The following CFB variants were observed in gnomAD, a reference collection of about 807,000 sequenced individuals.
CFB encodes complement factor B.
A neutral mutation model predicts 97.2 loss-of-function variants in CFB; 59 were observed. The ratio of observed to expected loss-of-function variants is 0.61; its 90% CI spans 0.49 to 0.75. The LOEUF (loss-of-function observed/expected upper bound fraction) is 0.75. Ranked by LOEUF, CFB falls within the 30% of genes least tolerant of loss-of-function variation. The probability of loss-of-function intolerance (pLI) is 0.00; values close to 1 mark genes in which losing one functional copy is unlikely to be tolerated. For missense variants in CFB, 771 were observed against 959.8 expected, an observed-to-expected ratio of 0.80 and a Z score of 2.60; for synonymous variants, 316 against 351.7, an observed-to-expected ratio of 0.90 and a Z score of 1.14.
At chr6:31,949,591 C>T in intron 10 of CFB, 34 bp downstream of exon 10, 1 of 1,611,520 alleles carries the variant, frequency 6.2e-7, no homozygotes, top group Non-Finnish European at 8.5e-7. Flanking sequence ...GAACACAACT[C>T]TCCTCAGGTT....
Position 31,951,625 on chromosome 6 carries a change from C to A in CFB, c.2139+21C>A. On this transcript the variant is annotated intron_variant, in intron 17 of 17. Coordinates refer to ENST00000425368, the MANE Select transcript of CFB (RefSeq NM_001710.6). The surrounding 1 kb of genome is among the most constrained non-coding windows in gnomAD (Gnocchi z 4.3). The stretch of plus-strand genomic sequence containing the variant: ...TTCAAGTGAGTCCTCCCTTTCCTAT[C>A]TGGGGAGATGCCAAGTGGTCAGCAT... The A allele has an allele frequency of 2.5e-6, 4 of 1,614,138 alleles. No homozygotes were observed. Among genetic ancestry groups the A allele is most frequent in the Non-Finnish European group, 3.4e-6 (4 of 1,179,978 alleles).
chr6:31,949,067 T>C, intron 8 of CFB, 106 bp downstream of exon 8: 1 of 1,542,832 alleles, frequency 6.5e-7, no homozygotes, highest in Non-Finnish European at 8.9e-7. Context: ...GCCCTGAATG[T>C]GACTCATAGC....
rs747687430 is a variant in CFB, at chr6:31,951,283, A to C, written c.1956+39A>C. Reference sequence around the variant, plus strand: ...ATCCTAAGGAGGCACTCTAGGCCCCAATCCTTCCTAAGCCACTTCTGTTCA... The same window carrying C: ...ATCCTAAGGAGGCACTCTAGGCCCCCATCCTTCCTAAGCCACTTCTGTTCA... On this transcript the variant is annotated intron_variant, in intron 15 of 17. Coordinates refer to ENST00000425368, the MANE Select transcript of CFB (RefSeq NM_001710.6). The surrounding 1 kb of genome is among the most constrained non-coding windows in gnomAD (Gnocchi z 4.3). The C allele has an allele frequency of 6.2e-7, 1 of 1,613,626 alleles. No homozygotes were observed. The highest frequency in any genetic ancestry group is 2.2e-5 in the East Asian group (1 of 44,884).
At position 31,951,381 on chromosome 6, in the gene CFB, A is replaced by G. The variant is rs1203301578; in HGVS notation, c.1997A>G (p.Tyr666Cys). The stretch of plus-strand genomic sequence containing the variant: ...AGAGATGCTCAATATGCCCCAGGCT[A>G]TGACAAAGTCAAGGACATCTCAGAG... ...CERDAQYAPG[Y>C]DKVKDISEVV... Residue 666 changes from tyrosine (Y) to cysteine (C), a missense_variant, in exon 16 of 18, where the codon TAT (tyrosine) becomes TGT (cysteine). Coordinates refer to ENST00000425368, the MANE Select transcript of CFB (RefSeq NM_001710.6). The surrounding 1 kb of genome is among the most constrained non-coding windows in gnomAD (Gnocchi z 4.3). 6.2e-7 allele frequency: 1 copy of G among 1,614,184 alleles called. No homozygotes were observed. Among genetic ancestry groups the G allele is most frequent in the Non-Finnish European group, 8.5e-7 (1 of 1,180,034 alleles).
Position 31,947,355 on chromosome 6 carries a change from C to G in CFB, c.492C>G (p.Tyr164Ter). Residue 164 changes from tyrosine (Y) to a stop codon, truncating the protein, a stop_gained, in exon 4 of 18, where the codon TAC (tyrosine) becomes TAG (stop). Coordinates refer to ENST00000425368, the MANE Select transcript of CFB (RefSeq NM_001710.6). LOFTEE classifies it high-confidence loss of function. The surrounding 1 kb of genome is among the most constrained non-coding windows in gnomAD (Gnocchi z 5.3). ...QTAICDNGAG[Y>*]CSNPGIPIGT... ...TGTCTCATACCTCTGCAGCGGGGTA[C>G]TGCTCCAACCCGGGCATCCCCATTG... 6.2e-7 allele frequency: 1 copy of G among 1,613,032 alleles called. No homozygotes were observed. Among genetic ancestry groups the G allele is most frequent in the Non-Finnish European group, 8.5e-7 (1 of 1,180,026 alleles).
chr6:31,948,149 A>G, intron 6 of CFB, 68 bp downstream of exon 6: 1 of 1,591,648 alleles, frequency 6.3e-7, no homozygotes, highest in Non-Finnish European at 8.6e-7. Flanking sequence ...TAGCTCCCTG[A>G]TCATTCCAGC....
chr6:31,948,828 A>G lies in CFB; in HGVS notation c.1037-2A>G. On this transcript the variant is annotated splice_acceptor_variant, in intron 7 of 17. Coordinates refer to ENST00000425368, the MANE Select transcript of CFB (RefSeq NM_001710.6). LOFTEE classifies it high-confidence loss of function. ...AGGTGATGGTCTCTTCCCTCTCCAC[A>G]GACCACAAGTTGAAGTCAGGGACTA... The G allele has an allele frequency of 6.2e-7, 1 of 1,613,096 alleles. No individual in the cohort carries two copies. The highest frequency in any genetic ancestry group is 8.5e-7 in the Non-Finnish European group (1 of 1,180,032).
intron 8 of CFB, 35 bp downstream of exon 8, chr6:31,948,996 C>T (rs1192424674): frequency 1.9e-6 from 3 of 1,612,564 alleles, no homozygotes; most frequent in Non-Finnish European, 2.5e-6. Flanking sequence ...CCAGCCTCCC[C>T]ACCTTCTCAG....
chr6:31,946,396 T>C lies in CFB; in HGVS notation c.88T>C (p.Leu30=). The change falls in exon 2 of 18, where the codon TTG becomes CTG. Residue 30 remains leucine (L), a synonymous_variant. Transcript: ENST00000425368. This position sits in a 1 kb window ranked among gnomAD's most constrained non-coding sequence, Gnocchi z 6.4. ...SGGVTTTPWS[L]ARPQGSCSLE... ...AGGTGTGACCACCACTCCATGGTCT[T>C]TGGCCCGGCCCCAGGGATCCTGCTC... 2 of 1,613,036 alleles carry C rather than the reference T, an allele frequency of 1.2e-6. No homozygotes were observed. The highest frequency in any genetic ancestry group is 1.7e-6 in the Non-Finnish European group (2 of 1,180,014).
rs1562623699 is a variant in CFB, at chr6:31,946,407, C to T, written c.99C>T (p.Pro33=). ...CCACTCCATGGTCTTTGGCCCGGCC[C>T]CAGGGATCCTGCTCTCTGGAGGGGG... The part of the protein sequence containing the change: ...VTTTPWSLAR[P]QGSCSLEGVE... Residue 33 remains proline, a synonymous_variant, in exon 2 of 18, where the codon CCC becomes CCT. Transcript: ENST00000425368. The surrounding 1 kb of genome is among the most constrained non-coding windows in gnomAD (Gnocchi z 6.4). 2 of 1,612,954 alleles carry T rather than the reference C, an allele frequency of 1.2e-6. No individual in the cohort carries two copies. Among genetic ancestry groups the T allele is most frequent in the South Asian group, 1.1e-5 (1 of 91,088 alleles).
chr6:31,949,268 A>G lies in CFB; in HGVS notation c.1194A>G (p.Pro398=). 1 of 1,614,064 alleles carries G rather than the reference A, an allele frequency of 6.2e-7. No homozygotes were observed. The highest frequency in any genetic ancestry group is 1.1e-5 in the South Asian group (1 of 91,074). ...GATTGCACAACATGGGCGGGGACCC[A>G]ATTACTGTCATTGATGAGATCCGGG... ...TDGLHNMGGD[P]ITVIDEIRDL... The change falls in exon 9 of 18, where the codon CCA becomes CCG. Residue 398 remains proline, a synonymous_variant. Coordinates refer to ENST00000425368, the MANE Select transcript of CFB (RefSeq NM_001710.6).
rs1266806873 is a variant in CFB, at chr6:31,951,201, A to G, written c.1913A>G (p.Lys638Arg). The change falls in exon 15 of 18, where the codon AAA (lysine) becomes AGA (arginine). Residue 638 changes from lysine to arginine, a missense_variant. Transcript: ENST00000425368. The surrounding 1 kb of genome is among the most constrained non-coding windows in gnomAD (Gnocchi z 4.3). ...GCTCTGTTTGTGTCTGAGGAGGAGAAAAAGCTGACTCGGAAGGAGGTCTAC... is the reference window on the plus strand; with the variant it reads ...GCTCTGTTTGTGTCTGAGGAGGAGAGAAAGCTGACTCGGAAGGAGGTCTAC... ...IKALFVSEEE[K>R]KLTRKEVYIK... is the part of the protein sequence containing the mutation. 21 of 1,613,072 alleles carry G rather than the reference A, an allele frequency of 1.3e-5. No homozygotes were observed. Among genetic ancestry groups the G allele is most frequent in the Non-Finnish European group, 1.8e-5 (21 of 1,180,008 alleles).
chr6:31,948,520 G>C lies in CFB; in HGVS notation c.1036+8G>C, dbSNP rs767304522. The C allele has an allele frequency of 1.9e-6, 3 of 1,614,102 alleles. No individual in the cohort carries two copies. The highest frequency in any genetic ancestry group is 2.5e-6 in the Non-Finnish European group (3 of 1,180,026). The stretch of plus-strand genomic sequence containing the variant: ...ATGAAATCAATTATGAAGGTCAGAG[G>C]TTAGGGAATGGTGGGAGGTTCACTT... On this transcript the variant is annotated splice_region_variant and intron_variant, in intron 7 of 17. Transcript: ENST00000425368.
At chr6:31,948,720 G>A in intron 7 of CFB, 110 bp from the exon 8 acceptor site, 1 of 1,575,726 alleles carries the variant, frequency 6.3e-7, no homozygotes, top group Non-Finnish European at 8.7e-7. Flanking sequence ...GTGTAATGAT[G>A]ATTAACTTAA....
chr6:31,948,494 A>T lies in CFB; in HGVS notation c.1018A>T (p.Asn340Tyr). Residue 340 changes from asparagine (N) to tyrosine (Y), a missense_variant, in exon 7 of 18, where the codon AAT (asparagine) becomes TAT (tyrosine). Asn to Tyr is a moderately radical substitution (Grantham distance 143). Transcript: ENST00000425368. ...SNADWVTKQL[N>Y]EINYEDHKLK... ...TGCAGACTGGGTCACGAAGCAGCTC[A>T]ATGAAATCAATTATGAAGGTCAGAG... is the stretch of plus-strand genomic sequence containing the variant. The T allele has an allele frequency of 6.2e-7, 1 of 1,614,128 alleles. No homozygotes were observed. The highest frequency in any genetic ancestry group is 8.5e-7 in the Non-Finnish European group (1 of 1,179,978).
rs1470551102 is a variant in CFB at position 31,951,897 on chromosome 6, T to C, written c.2162T>C (p.Val721Ala). 6.2e-7 allele frequency: 1 copy of C among 1,612,486 alleles called. No homozygotes were observed. Among genetic ancestry groups the C allele is most frequent in the Non-Finnish European group, 8.5e-7 (1 of 1,179,926 alleles). ...FIQVGVISWG[V>A]VDVCKNQKRQ... Reference sequence around the variant, plus strand: ...CAGGTTGGTGTAATCAGCTGGGGAGTAGTGGATGTCTGCAAAAACCAGAAG... The same window carrying C: ...CAGGTTGGTGTAATCAGCTGGGGAGCAGTGGATGTCTGCAAAAACCAGAAG... Residue 721 changes from valine (V) to alanine (A), a missense_variant, in exon 18 of 18, where the codon GTA (valine) becomes GCA (alanine). Val to Ala is a moderately conservative substitution (Grantham distance 64). Coordinates refer to ENST00000425368, the MANE Select transcript of CFB (RefSeq NM_001710.6). The surrounding 1 kb of genome is among the most constrained non-coding windows in gnomAD (Gnocchi z 4.3).
chr6:31,951,265 G>A lies in CFB; in HGVS notation c.1956+21G>A. ...ATAAGGTGAGAAACGGGCATCCTAA[G>A]GAGGCACTCTAGGCCCCAATCCTTC... On this transcript the variant is annotated intron_variant, in intron 15 of 17. Transcript: ENST00000425368. This position sits in a 1 kb window ranked among gnomAD's most constrained non-coding sequence, Gnocchi z 4.3. 2 of 1,613,284 alleles carry A rather than the reference G, an allele frequency of 1.2e-6. No individual in the cohort carries two copies.
rs1166047043 is a variant in CFB at position 31,946,960 on chromosome 6, G to T, written c.299-47G>T. ...CGAGACCAGGAGGGATACACCTAAG[G>T]CAGCCTTTCCCTCTTGATGACTTCT... is the stretch of plus-strand genomic sequence containing the variant. On this transcript the variant is annotated intron_variant, in intron 2 of 17. Transcript: ENST00000425368. This position sits in a 1 kb window ranked among gnomAD's most constrained non-coding sequence, Gnocchi z 6.4. The T allele has an allele frequency of 1.9e-6, 3 of 1,597,108 alleles. No homozygotes were observed. Among genetic ancestry groups the T allele is most frequent in the Non-Finnish European group, 2.6e-6 (3 of 1,165,680 alleles).
chr6:31,947,360 C>T lies in CFB; in HGVS notation c.497C>T (p.Ser166Phe), dbSNP rs1439624449. 1.2e-6 allele frequency: 2 copies of T among 1,613,032 alleles called. No homozygotes were observed. The highest frequency in any genetic ancestry group is 1.7e-5 in the Admixed American group (1 of 60,028). ...AICDNGAGYC[S>F]NPGIPIGTRK... Reference sequence around the variant, plus strand: ...CATACCTCTGCAGCGGGGTACTGCTCCAACCCGGGCATCCCCATTGGCACA... The same window carrying T: ...CATACCTCTGCAGCGGGGTACTGCTTCAACCCGGGCATCCCCATTGGCACA... Residue 166 changes from serine to phenylalanine, a missense_variant, in exon 4 of 18, where the codon TCC becomes TTC. Ser to Phe is a radical substitution (Grantham distance 155). Transcript: ENST00000425368. This position sits in a 1 kb window ranked among gnomAD's most constrained non-coding sequence, Gnocchi z 5.3.
Sources: allele counts gnomAD v4.1 joint callset, GRCh38; gene constraint gnomAD v4.1.1; non-coding constraint Gnocchi (gnomAD v3.1); transcripts MANE v1.5; gene names NCBI Gene and HGNC (gene_info 2026-07-23, HGNC 2026-07-21).